The following JKAMP variants were observed in gnomAD, a reference collection of about 807,000 sequenced individuals.
JKAMP encodes the protein JNK1/MAPK8 associated membrane protein.
A neutral mutation model predicts 40.2 loss-of-function variants in JKAMP; 20 were observed. The ratio of observed to expected loss-of-function variants is 0.50; its 90% confidence interval spans 0.35 to 0.72. The LOEUF is 0.72. JKAMP is among the 30% of genes least tolerant of loss of function. JKAMP has a pLI of 0.01. For missense variants in JKAMP, 276 were observed against 373.0 expected (o/e 0.74, Z 2.14); for synonymous variants, 138 against 131.6 (o/e 1.05, Z -0.33).
chr14:59,493,862 A>G (rs1891218968), intron 3 of JKAMP, among the ~76,000 whole-genome samples: 4 of 152,216 alleles, frequency 2.6e-5, no homozygotes, highest in Admixed American at 1.3e-4. Flanking sequence ...AAATGGACTC[A>G]AGAAACAGAA....
chr14:59,501,926 C>CT (rs1333797965), intron 6 of JKAMP, among the ~76,000 whole-genome samples: 11 of 152,210 alleles, frequency 7.2e-5, no homozygotes, highest in Admixed American at 2.6e-4. Flanking sequence ...AAAAAAGTAT[C>CT]TTTTGACACA....
At chr14:59,486,517 A>G (rs1314380588) in intron 1 of JKAMP, among the ~76,000 whole-genome samples, 196 bp from the exon 2 acceptor site, 2 of 152,254 alleles carry the variant, frequency 1.3e-5, no homozygotes, top group Non-Finnish European at 2.9e-5. Flanking sequence ...ATTAACAGCA[A>G]GGTTCCAGGA....
intron 6 of JKAMP, among the ~76,000 whole-genome samples, chr14:59,503,290 A>G (rs555331866): frequency 6.6e-6 from 1 of 152,308 alleles, no homozygotes; most frequent in South Asian, 2.1e-4. Context: ...TAATGTGTTT[A>G]TTAGCACATT....
chr14:59,484,818 G>C (rs1346671063), intron 1 of JKAMP: 11 of 945,290 alleles, frequency 1.2e-5, no homozygotes, highest in South Asian at 1.7e-5. Context: ...CGAAATGCCA[G>C]GTCTTTGTTG....
chr14:59,486,776 G>T lies in JKAMP; in HGVS notation c.68G>T (p.Gly23Val). Reference protein sequence around the residue: ...YCGKTLLFKNGSTEIYGECGV... With the variant: ...YCGKTLLFKNVSTEIYGECGV... ...GGGAAGACCCTATTATTTAAAAATGGCTCAACTGAAATATATGGAGAATGT... is the reference window on the plus strand; with the variant it reads ...GGGAAGACCCTATTATTTAAAAATGTCTCAACTGAAATATATGGAGAATGT... Residue 23 changes from glycine to valine, a missense_variant, in exon 2 of 7, where the codon GGC becomes GTC. Gly to Val is a moderately radical substitution (Grantham distance 109). Transcript: ENST00000616435. 2 of 1,590,462 alleles carry T rather than the reference G, an allele frequency of 1.3e-6. No individual in the cohort carries two copies. The highest frequency in any genetic ancestry group is 1.7e-6 in the Non-Finnish European group (2 of 1,166,092).
chr14:59,498,020 A>G (rs972101484), intron 4 of JKAMP, among the ~76,000 whole-genome samples: 2 of 152,220 alleles, frequency 1.3e-5, no homozygotes, highest in Non-Finnish European at 2.9e-5. Flanking sequence ...GGTGACACAT[A>G]GCTCTTTCTA....
At chr14:59,494,910 CT>C (rs199969638) in intron 3 of JKAMP, 107 bp from the exon 4 acceptor site, 35,961 of 770,894 alleles carry the variant, frequency 0.047, 994 homozygotes, top group Non-Finnish European at 0.057. Context: ...TAGTTTTTGA[CT>C]TTTCTTATAG....
chr14:59,486,015 T>G (rs917411086), intron 1 of JKAMP: 1 of 152,184 alleles, frequency 6.6e-6, no homozygotes, highest in African/African-American at 2.4e-5. Flanking sequence ...AGACAACGTA[T>G]TAGGTTCTTA....
rs1892192375 is a variant in JKAMP, at chr14:59,504,363, T to A, written c.*291T>A. 8.7e-6 allele frequency: 3 copies of A among 346,104 alleles called. No individual in the cohort carries two copies. The allele number at this position is 346,104 out of a possible 1,614,324, so 21.4% of individuals were successfully genotyped here. On this transcript the variant is annotated 3_prime_UTR_variant, in exon 7 of 7. Coordinates refer to ENST00000616435, the MANE Select transcript of JKAMP (RefSeq NM_016475.5). ...CTGTTCTTTAGGGCAAAATCATGTT[T>A]CTGTGTACCTAGCAATGTGTTCCCA...
chr14:59,496,598 C>T (rs989220762), intron 4 of JKAMP, among the ~76,000 whole-genome samples: 1 of 152,016 alleles, frequency 6.6e-6, no homozygotes. Context: ...TACTACCAAC[C>T]CTCATCTGCA....
chr14:59,495,374 C>T, intron 4 of JKAMP, 150 bp downstream of exon 4: 1 of 595,510 alleles, frequency 1.7e-6, no homozygotes, highest in South Asian at 2.1e-5. Flanking sequence ...TAAACAGCCT[C>T]TTGTAACTTC....
rs76863369 is a variant in JKAMP at position 59,500,706 on chromosome 14, G to A, written c.641-485G>A. Among the ~76,000 whole-genome samples, 20 of 152,176 alleles carry A rather than the reference G, an allele frequency of 1.3e-4. No homozygotes were observed. In the East Asian group the frequency reaches 3.9e-3, roughly 29 times the overall value. On this transcript the variant is annotated intron_variant, in intron 5 of 6. Coordinates refer to ENST00000616435, the MANE Select transcript of JKAMP (RefSeq NM_016475.5). The stretch of plus-strand genomic sequence containing the variant: ...ATTTTTTTGAATTCTCCTAAATTTA[G>A]TACATAACTGGTACTATTCTAGAAT...
At chr14:59,498,025 T>C (rs1235774311) in intron 4 of JKAMP, among the ~76,000 whole-genome samples, 1 of 152,196 alleles carries the variant, frequency 6.6e-6, no homozygotes, top group African/African-American at 2.4e-5. Context: ...CACATAGCTC[T>C]TTCTACAGCT....
chr14:59,505,310 T>C lies in JKAMP; in HGVS notation c.*1238T>C, dbSNP rs1247159303. 6.7e-7 allele frequency: 1 copy of C among 1,484,328 alleles called. No individual in the cohort carries two copies. The highest frequency in any genetic ancestry group is 9.0e-7 in the Non-Finnish European group (1 of 1,108,836). The allele number at this position is 1,484,328 out of a possible 1,614,324, so 91.9% of individuals were successfully genotyped here. ...TGAACCCTTGTACGAATGTGTTTCT[T>C]CTTCTCTGTAGGAATAAAAAATAAA... On this transcript the variant is annotated 3_prime_UTR_variant, in exon 7 of 7. Coordinates refer to ENST00000616435, the MANE Select transcript of JKAMP (RefSeq NM_016475.5).
intron 5 of JKAMP, among the ~76,000 whole-genome samples, chr14:59,499,326 A>C (rs1270190656): frequency 6.6e-6 from 1 of 152,134 alleles, no homozygotes; most frequent in Non-Finnish European, 1.5e-5. Flanking sequence ...TAAAAATCTA[A>C]GTATGTAATA....
At chr14:59,491,862 G>C (rs903162355) in intron 3 of JKAMP, among the ~76,000 whole-genome samples, 12 of 152,222 alleles carry the variant, frequency 7.9e-5, no homozygotes, top group African/African-American at 2.9e-4. Context: ...GGTAGCCTCT[G>C]CTAAGACTAG....
chr14:59,485,046 C>T, intron 1 of JKAMP: 3 of 1,598,284 alleles, frequency 1.9e-6, no homozygotes, highest in South Asian at 1.1e-5. Flanking sequence ...AATCTTAAAA[C>T]TTTAGCCATC....
intron 5 of JKAMP, among the ~76,000 whole-genome samples, chr14:59,499,691 TA>T (rs1566581883): frequency 2.0e-5 from 3 of 152,188 alleles, no homozygotes; most frequent in Non-Finnish European, 4.4e-5. Flanking sequence ...TGGAGCTTGG[TA>T]ATGTAATTTG....
At chr14:59,487,469 A>G in intron 2 of JKAMP, 1 of 412,264 alleles carries the variant, frequency 2.4e-6, no homozygotes. Flanking sequence ...TAGTAAAAGG[A>G]ATCTTCTAAG....
Sources: allele counts gnomAD v4.1 joint callset (sites outside exome capture counted in the v4.1 genomes callset), GRCh38; gene constraint gnomAD v4.1.1; transcripts MANE v1.5; gene names NCBI Gene and HGNC (gene_info 2026-07-23, HGNC 2026-07-21).